Variants in RGN observed in about 807,000 individuals in gnomAD.
RGN encodes regucalcin.
RGN carries 19 observed loss-of-function variants against 20.6 expected under a neutral mutation model. That is an observed-to-expected ratio of 0.92 (90% CI 0.64 to 1.35). The LOEUF (loss-of-function observed/expected upper bound fraction) is 1.35, where lower values mean the gene tolerates loss of function less well. Ranked by LOEUF, RGN falls within the 40% of genes most tolerant of loss-of-function variation. The pLI is 0.00. For synonymous variants in RGN, 85 were observed against 87.2 expected (o/e 0.97, Z 0.14); for missense variants, 302 against 232.7 (o/e 1.30, Z -1.94).
rs1373224530 is a variant in RGN, at chrX:47,078,631, T to G, written c.-714T>G. Reference sequence around the variant, plus strand: ...TCAACCTTCAGATTCCCAGGGCCTCTCTGTCGCTGTCGCCGTCGCCGTCGC... The same window carrying G: ...TCAACCTTCAGATTCCCAGGGCCTCGCTGTCGCTGTCGCCGTCGCCGTCGC... On this transcript the variant is annotated 5_prime_UTR_variant, in exon 1 of 8. Coordinates refer to ENST00000397180, the MANE Select transcript of RGN (RefSeq NM_152869.4). 1 of 112,211 alleles carries G rather than the reference T, an allele frequency of 8.9e-6. No individual in the cohort carries two copies. The highest frequency in any genetic ancestry group is 3.2e-5 in the African/African-American group (1 of 30,841). 9.2% of individuals were successfully genotyped at this position (112,211 alleles called of 1,213,427 possible). A position where few individuals can be genotyped will look rare whatever the true frequency, so the allele number is the denominator to read the frequency against.
intron 4 of RGN, among the ~76,000 whole-genome samples, 185 bp from the exon 5 acceptor site, chrX:47,089,591 A>ATACT (rs1930823256): frequency 7.2e-5 from 3 of 41,747 alleles, no homozygotes; most frequent in African/African-American, 3.0e-4. Context: ...ATATATATAT[A>ATACT]TATATATACA....
Position 47,087,345 on chromosome X carries a change from A to T in RGN, c.347-2431A>T, listed in dbSNP as rs138891006. Among the ~76,000 whole-genome samples, 9 of 111,412 alleles carry T rather than the reference A, an allele frequency of 8.1e-5. No homozygotes were observed. In the East Asian group the frequency reaches 2.5e-3, roughly 31 times the overall value. ...CTTCCCATCTTCCTGGACTTTATAC[A>T]ACCACAGATATGGTCCGGGACAGGT... On this transcript the variant is annotated intron_variant, in intron 4 of 7. Coordinates refer to ENST00000397180, the MANE Select transcript of RGN (RefSeq NM_152869.4).
At chrX:47,083,708 C>T (rs782556660) in intron 3 of RGN, among the ~76,000 whole-genome samples, 2 of 111,408 alleles carry the variant, frequency 1.8e-5, no homozygotes, top group Non-Finnish European at 3.8e-5. Flanking sequence ...GTCAGGAGTT[C>T]GAAATCAGCC....
intron 1 of RGN, among the ~76,000 whole-genome samples, chrX:47,079,374 TTTTGG>T (rs1569539874): frequency 7.9e-5 from 8 of 101,425 alleles, no homozygotes; most frequent in South Asian, 4.6e-4. Flanking sequence ...TTTTGTTTTG[TTTTGG>T]TTTGGTTTGG....
intron 4 of RGN, among the ~76,000 whole-genome samples, chrX:47,088,968 TAGA>T (rs1203369681): frequency 3.5e-5 from 3 of 86,400 alleles, no homozygotes; most frequent in East Asian, 3.8e-4. Flanking sequence ...AAGAAGAAGA[TAGA>T]AGAAGAAGGA....
rs28421055 is a variant in RGN at position 47,079,642 on chromosome X, A to G, written c.-635-675A>G. ...GAGATGGGGTTTCACCATGTTGGTCAGGCTGGTCTTGAACTCCTGACCTCA... is the reference window on the plus strand; with the variant it reads ...GAGATGGGGTTTCACCATGTTGGTCGGGCTGGTCTTGAACTCCTGACCTCA... On this transcript the variant is annotated intron_variant, in intron 1 of 7. Coordinates refer to ENST00000397180, the MANE Select transcript of RGN (RefSeq NM_152869.4). 7.1e-3 allele frequency among the ~76,000 whole-genome samples: 773 copies of G among 109,250 alleles called. 12 individuals are homozygous for G. Among genetic ancestry groups the G allele is most frequent in the African/African-American group, 0.025 (734 of 29,924 alleles). The allele number at this position is 109,250 out of a possible 115,157, so 94.9% of individuals were successfully genotyped here. A position where few individuals can be genotyped will look rare whatever the true frequency, so the allele number is the denominator to read the frequency against.
In RGN at chrX:47,089,998, A is replaced by G. The variant is rs781897443; in HGVS notation, c.562+7A>G. The G allele has an allele frequency of 6.2e-6, 7 of 1,122,083 alleles. No individual in the cohort carries two copies. The highest frequency in any genetic ancestry group is 2.5e-4 in the Middle Eastern group (1 of 4,062). 92.5% of individuals were successfully genotyped at this position (1,122,083 alleles called of 1,213,427 possible). A position where few individuals can be genotyped will look rare whatever the true frequency, so the allele number is the denominator to read the frequency against. The stretch of plus-strand genomic sequence containing the variant: ...CTGCAGACAGGACAGATCTGTATGT[A>G]TTTTTCATTATTTGTCTCAGTGCTG... On this transcript the variant is annotated splice_region_variant and intron_variant, in intron 5 of 7. Transcript: ENST00000397180.
rs1930247427 is a variant in RGN, at chrX:47,080,477, A to G, written c.-475A>G. ...CACTGAGGGCCTGTCAGTTCCTGCC[A>G]GGGTGGTTCGATGCTGTCCTTTTCT... On this transcript the variant is annotated 5_prime_UTR_variant, in exon 2 of 8. Coordinates refer to ENST00000397180, the MANE Select transcript of RGN (RefSeq NM_152869.4). The G allele has an allele frequency of 8.9e-6, 1 of 111,831 alleles. No individual in the cohort carries two copies. The highest frequency in any genetic ancestry group is 9.5e-5 in the Admixed American group (1 of 10,497). 9.2% of individuals were successfully genotyped at this position (111,831 alleles called of 1,213,427 possible). A position where few individuals can be genotyped will look rare whatever the true frequency, so the allele number is the denominator to read the frequency against.
In RGN at chrX:47,091,771, A is replaced by T; in HGVS notation, c.656A>T (p.Tyr219Phe). 4 of 1,211,175 alleles carry T rather than the reference A, an allele frequency of 3.3e-6. No homozygotes were observed. Among genetic ancestry groups the T allele is most frequent in the Non-Finnish European group, 4.5e-6 (4 of 895,168 alleles). The change falls in exon 6 of 8, where the codon TAC (tyrosine) becomes TTC (phenylalanine). Residue 219 changes from tyrosine to phenylalanine, a missense_variant. Transcript: ENST00000397180. ...DAEGKLWVAC[Y>F]NGGRVIRLDP... is the part of the protein sequence containing the mutation. ...GAGGGGAAGCTCTGGGTGGCCTGTT[A>T]CAATGGAGGAAGAGTGATTCGTTTA...
Position 47,090,965 on chromosome X carries a change from A to AAAGAAAG in RGN, c.563-710_563-704dup, listed in dbSNP as rs1569540769. Among the ~76,000 whole-genome samples, 25 of 105,646 alleles carry AAAGAAAG rather than the reference A, an allele frequency of 2.4e-4. No individual in the cohort carries two copies. The East Asian group carries it at 5.8e-3, about 24-fold the overall frequency. 91.7% of individuals were successfully genotyped at this position (105,646 alleles called of 115,157 possible). ...GAAAGAAAGAAAGAAAGAAAGAAAG[A>AAAGAAAG]AAGAAAGAAAGAAAGAAAGATGTAG... On this transcript the variant is annotated intron_variant, in intron 5 of 7. Transcript: ENST00000397180.
Position 47,081,285 on chromosome X carries a change from G to C in RGN, c.141G>C (p.Lys47Asn). ...TTTGCCGGTGGGATTCATTCACCAAGCAAGTACAGCGAGTGACCATGGGTA... is the reference window on the plus strand; with the variant it reads ...TTTGCCGGTGGGATTCATTCACCAACCAAGTACAGCGAGTGACCATGGGTA... ...KKVCRWDSFT[K>N]QVQRVTMDAP... The change falls in exon 3 of 8, where the codon AAG (lysine) becomes AAC (asparagine). Residue 47 changes from lysine to asparagine, a missense_variant. Physicochemically the swap from Lys to Asn is moderately conservative, Grantham distance 94. Coordinates refer to ENST00000397180, the MANE Select transcript of RGN (RefSeq NM_152869.4). 1 of 1,210,697 alleles carries C rather than the reference G, an allele frequency of 8.3e-7. No individual in the cohort carries two copies. The highest frequency in any genetic ancestry group is 1.1e-6 in the Non-Finnish European group (1 of 894,982).
chrX:47,084,100 T>A (rs782161376), intron 3 of RGN, among the ~76,000 whole-genome samples: 12 of 110,920 alleles, frequency 1.1e-4, no homozygotes, highest in Non-Finnish European at 2.3e-4. Flanking sequence ...ACTCCTCCTC[T>A]GAACTGGATG....
Position 47,084,586 on chromosome X carries a change from G to T in RGN, c.332G>T (p.Gly111Val), listed in dbSNP as rs782303889. The T allele has an allele frequency of 8.4e-7, 1 of 1,188,260 alleles. No individual in the cohort carries two copies. Among genetic ancestry groups the T allele is most frequent in the Admixed American group, 2.3e-5 (1 of 42,854 alleles). ...RFNDGKVDPA[G>V]RYFAGTMAEE... Reference sequence around the variant, plus strand: ...AATGATGGGAAGGTGGATCCCGCCGGGAGGTACTTTGCTGGTAAGATTTCT... The same window carrying T: ...AATGATGGGAAGGTGGATCCCGCCGTGAGGTACTTTGCTGGTAAGATTTCT... The change falls in exon 4 of 8, where the codon GGG becomes GTG. Residue 111 changes from glycine to valine, a missense_variant. Transcript: ENST00000397180.
At chrX:47,092,438 T>C (rs1337781480) in intron 7 of RGN, among the ~76,000 whole-genome samples, 1 of 112,266 alleles carries the variant, frequency 8.9e-6, no homozygotes, top group Non-Finnish European at 1.9e-5. Flanking sequence ...ATTAATTTTT[T>C]TACTTCCTGT....
chrX:47,085,563 G>A (rs782582262), intron 4 of RGN, among the ~76,000 whole-genome samples: 1 of 110,653 alleles, frequency 9.0e-6, no homozygotes, highest in African/African-American at 3.3e-5. Flanking sequence ...CCTTTTACCC[G>A]GGTTCACCTA....
chrX:47,090,965 A>AAAG (rs1404947360), intron 5 of RGN, among the ~76,000 whole-genome samples: 1 of 105,650 alleles, frequency 9.5e-6, no homozygotes, highest in East Asian at 3.0e-4. Flanking sequence ...AGAAAGAAAG[A>AAAG]AAGAAAGAAA....
rs782454956 is a variant in RGN at position 47,081,247 on chromosome X, C to A, written c.103C>A (p.Pro35Thr). The A allele has an allele frequency of 8.3e-7, 1 of 1,209,704 alleles. No individual in the cohort carries two copies. Among genetic ancestry groups the A allele is most frequent in the Non-Finnish European group, 1.1e-6 (1 of 893,969 alleles). Residue 35 changes from proline (P) to threonine (T), a missense_variant, in exon 3 of 8, where the codon CCT becomes ACT. Coordinates refer to ENST00000397180, the MANE Select transcript of RGN (RefSeq NM_152869.4). The stretch of plus-strand genomic sequence containing the variant: ...CAACTCTCTGCTCTTTGTAGACATT[C>A]CTGCAAAAAAGGTTTGCCGGTGGGA... ...VSNSLLFVDI[P>T]AKKVCRWDSF... is the part of the protein sequence containing the mutation.
intron 3 of RGN, among the ~76,000 whole-genome samples, chrX:47,081,822 CA>C (rs1254626147): frequency 1.8e-5 from 2 of 112,275 alleles, no homozygotes; most frequent in African/African-American, 6.5e-5. Flanking sequence ...GTTGGGATTA[CA>C]AGCGTGAGCT....
intron 1 of RGN, among the ~76,000 whole-genome samples, chrX:47,079,522 C>A (rs1203862028): frequency 9.2e-6 from 1 of 108,226 alleles, no homozygotes; most frequent in African/African-American, 3.4e-5. Context: ...CCTCTGCCTC[C>A]CGGGTTCAAA....
Sources: allele counts gnomAD v4.1 joint callset (sites outside exome capture counted in the v4.1 genomes callset), GRCh38; gene constraint gnomAD v4.1.1; transcripts MANE v1.5; gene names NCBI Gene and HGNC (gene_info 2026-07-23, HGNC 2026-07-21).